Variants in TLE3 observed in about 807,000 individuals in gnomAD.
The protein encoded by TLE3 is TLE family member 3, transcriptional corepressor.
In TLE3, 14 loss-of-function variants were observed where a neutral mutation model predicts 93.0. That is an observed-to-expected ratio of 0.15 (90% CI 0.10 to 0.24). The LOEUF is 0.24. Ranked by LOEUF, TLE3 falls within the 10% of genes least tolerant of loss-of-function variation. The pLI, the probability that TLE3 is intolerant of heterozygous loss-of-function variation, is 1.00. For missense variants in TLE3, 693 were observed against 1,046.6 expected, an observed-to-expected ratio of 0.66 and a Z score of 4.66; for synonymous variants, 451 against 425.0, an observed-to-expected ratio of 1.06 and a Z score of -0.75.
At chr15:70,053,641 T>G in intron 16 of TLE3, 1 of 305,706 alleles carries the variant, frequency 3.3e-6, no homozygotes, top group Non-Finnish European at 6.1e-6. Flanking sequence ...TGCACTAGCC[T>G]TCTGAGACTG....
rs866575689 is a variant in TLE3, at chr15:70,058,790, G to A, written c.791C>T (p.Pro264Leu). Reference sequence around the variant, plus strand: ...CCCATTTTCAGGAGGGGAGTGTGCCGGGCTGACCCGGGGCGTTGCGGGGTC... The same window carrying A: ...CCCATTTTCAGGAGGGGAGTGTGCCAGGCTGACCCGGGGCGTTGCGGGGTC... ...NEDPATPRVSPAHSPPENGLD... is the reference protein window; with the variant it reads ...NEDPATPRVSLAHSPPENGLD... Residue 264 changes from proline to leucine, a missense_variant, in exon 11 of 20, where the codon CCG becomes CTG. By Grantham distance (98) the Pro-to-Leu change is moderately conservative (BLOSUM62 -3). This residue lies in a region of TLE3 where 405 missense variants were observed against 468.9 expected (regional missense o/e 0.86). Transcript: ENST00000451782. This position sits in a 1 kb window ranked among gnomAD's most constrained non-coding sequence, Gnocchi z 4.1. The A allele has an allele frequency of 5.0e-6, 8 of 1,600,656 alleles. No individual in the cohort carries two copies. The highest frequency in any genetic ancestry group is 1.3e-5 in the African/African-American group (1 of 74,382).
At chr15:70,063,945 G>A (rs2056657503) in intron 8 of TLE3, among the ~76,000 whole-genome samples, 1 of 152,172 alleles carries the variant, frequency 6.6e-6, no homozygotes, top group South Asian at 2.1e-4. Context: ...CAGGGGGGTG[G>A]TAAAAACCTT....
chr15:70,072,350 G>A (rs2057229664), intron 6 of TLE3, among the ~76,000 whole-genome samples: 1 of 152,196 alleles, frequency 6.6e-6, no homozygotes, highest in Admixed American at 6.5e-5. Flanking sequence ...GGTGAGAGGG[G>A]ACCCTGCTGT....
chr15:70,056,955 G>C (rs1035179157), intron 13 of TLE3, among the ~76,000 whole-genome samples: 7 of 152,098 alleles, frequency 4.6e-5, no homozygotes, highest in Admixed American at 3.9e-4. Context: ...CACCACGTTG[G>C]CTGGCCAGGC....
At chr15:70,081,701 G>T (rs1194003041) in intron 4 of TLE3, among the ~76,000 whole-genome samples, 2 of 152,228 alleles carry the variant, frequency 1.3e-5, no homozygotes, top group African/African-American at 4.8e-5. Flanking sequence ...TTTGTGAAAT[G>T]AGGATTTCTT....
At chr15:70,085,202 G>A (rs116798425) in intron 4 of TLE3, among the ~76,000 whole-genome samples, 2 of 152,330 alleles carry the variant, frequency 1.3e-5, no homozygotes, top group South Asian at 2.1e-4. Flanking sequence ...AGATCACAGA[G>A]GTCAAACAGT....
intron 6 of TLE3, among the ~76,000 whole-genome samples, chr15:70,067,589 C>G (rs1567014875): frequency 6.6e-6 from 1 of 152,328 alleles, no homozygotes; most frequent in Non-Finnish European, 1.5e-5. Context: ...GATCTCACAC[C>G]TTACTAAGGG....
chr15:70,050,507 C>T (rs542122453), intron 19 of TLE3: 13 of 208,638 alleles, frequency 6.2e-5, no homozygotes, highest in Admixed American at 1.1e-4. Context: ...CAGAACAGGA[C>T]GCTTTAGCAA....
At chr15:70,057,732 T>G in intron 12 of TLE3, 74 bp from the exon 13 acceptor site, 1 of 1,505,602 alleles carries the variant, frequency 6.6e-7, no homozygotes, top group East Asian at 2.5e-5. Context: ...CACCCAGCAA[T>G]AACCCTCCCT....
intron 8 of TLE3, among the ~76,000 whole-genome samples, chr15:70,064,082 C>T (rs369945475): frequency 1.2e-4 from 19 of 152,270 alleles, no homozygotes; most frequent in South Asian, 2.1e-4. Flanking sequence ...TCATATGAAA[C>T]GGAGTTAGAG....
rs144393592 is a variant in TLE3 at position 70,080,705 on chromosome 15, C to T, written c.235-4547G>A. Among the ~76,000 whole-genome samples the T allele has an allele frequency of 2.3e-4, 35 of 152,262 alleles. No homozygotes were observed. In the East Asian group the frequency reaches 5.8e-3, roughly 25 times the overall value. ...GACCTCTGAACATCTTGCTGTAAACCGAGGGTACTTGAGCATTCTAAAAGT... is the reference window on the plus strand; with the variant it reads ...GACCTCTGAACATCTTGCTGTAAACTGAGGGTACTTGAGCATTCTAAAAGT... On this transcript the variant is annotated intron_variant, in intron 4 of 19. Coordinates refer to ENST00000451782, the MANE Select transcript of TLE3 (RefSeq NM_001105192.3).
intron 10 of TLE3, 93 bp downstream of exon 10, chr15:70,059,317 T>G: frequency 6.9e-7 from 1 of 1,445,648 alleles, no homozygotes; most frequent in East Asian, 2.5e-5. Context: ...CTGCCAGTAA[T>G]ACTAGAACAG....
At chr15:70,057,699 T>C (rs377116964) in intron 12 of TLE3, 41 bp from the exon 13 acceptor site, 33 of 1,539,246 alleles carry the variant, frequency 2.1e-5, no homozygotes, top group African/African-American at 5.5e-5. Context: ...CTTAGGTGGA[T>C]TGGGACATGG....
At chr15:70,088,493 G>A (rs1211367927) in intron 4 of TLE3, among the ~76,000 whole-genome samples, 1 of 152,198 alleles carries the variant, frequency 6.6e-6, no homozygotes, top group African/African-American at 2.4e-5. Flanking sequence ...AAAGCATCTT[G>A]GCTGTGAGTC....
rs1567071442 is a variant in TLE3 at position 70,097,817 on chromosome 15, A to ACACC, written c.-1020_-1019insGGTG. On this transcript the variant is annotated 5_prime_UTR_variant, in exon 1 of 20. Coordinates refer to ENST00000451782, the MANE Select transcript of TLE3 (RefSeq NM_001105192.3). ...GCGCGCACGCACACACACACACACC[A>ACACC]AAAAAAAAAGTGCCCCGGACCTACG... is the stretch of plus-strand genomic sequence containing the variant. The ACACC allele has an allele frequency of 1.4e-4, 7 of 49,164 alleles. No individual in the cohort carries two copies. The highest frequency in any genetic ancestry group is 1.2e-3 in the Admixed American group (6 of 5,164). 3.0% of individuals were successfully genotyped at this position (49,164 alleles called of 1,614,324 possible).
In TLE3 at chr15:70,058,860, G is replaced by C; in HGVS notation, c.766-45C>G. 1.3e-6 allele frequency: 2 copies of C among 1,503,898 alleles called. No homozygotes were observed. Among genetic ancestry groups the C allele is most frequent in the South Asian group, 2.7e-5 (2 of 74,388 alleles). 93.2% of individuals were successfully genotyped at this position (1,503,898 alleles called of 1,614,324 possible). ...AGAGATGCACTGAAAGCAACAGCCA[G>C]CCTCGAGGCTTCCCTGCTCTGGGAG... On this transcript the variant is annotated intron_variant, in intron 10 of 19. Transcript: ENST00000451782. This position sits in a 1 kb window ranked among gnomAD's most constrained non-coding sequence, Gnocchi z 4.1.
chr15:70,054,779 C>A, intron 15 of TLE3, 94 bp from the exon 16 acceptor site: 1 of 1,437,964 alleles, frequency 7.0e-7, no homozygotes, highest in Admixed American at 2.7e-5. Context: ...CCTCACCAGT[C>A]CTGCTTACAG....
Position 70,097,284 on chromosome 15 carries a change from C to T in TLE3, c.-486G>A, listed in dbSNP as rs2058609596. On this transcript the variant is annotated 5_prime_UTR_variant, in exon 1 of 20. Transcript: ENST00000451782. Reference sequence around the variant, plus strand: ...GCATCCGGGGCGCGCGGGTCCGATCCTAGAGGCGTCCGGGCCTGGGGCTCG... The same window carrying T: ...GCATCCGGGGCGCGCGGGTCCGATCTTAGAGGCGTCCGGGCCTGGGGCTCG... 1 of 401,796 alleles carries T rather than the reference C, an allele frequency of 2.5e-6. No individual in the cohort carries two copies. 24.9% of individuals were successfully genotyped at this position (401,796 alleles called of 1,614,324 possible).
intron 4 of TLE3, among the ~76,000 whole-genome samples, chr15:70,093,462 T>C (rs530046255): frequency 5.0e-4 from 76 of 152,376 alleles, no homozygotes; most frequent in African/African-American, 1.8e-3. Flanking sequence ...CGACTGTTAA[T>C]TTAGAGCAGA....
Sources: allele counts gnomAD v4.1 joint callset (sites outside exome capture counted in the v4.1 genomes callset), GRCh38; gene constraint gnomAD v4.1.1; regional missense constraint gnomAD v4.1.1; non-coding constraint Gnocchi (gnomAD v3.1); transcripts MANE v1.5; gene names NCBI Gene and HGNC (gene_info 2026-07-23, HGNC 2026-07-21).